Variants in CD164L2 observed in about 807,000 individuals in gnomAD.
The protein encoded by CD164L2 is CD164 sialomucin-like 2 protein.
CD164L2 carries 21 observed loss-of-function variants against 23.9 expected under a neutral mutation model. That is an observed-to-expected ratio of 0.88 (90% CI 0.62 to 1.27). CD164L2 has a LOEUF of 1.27. CD164L2 is among the 50% of genes most tolerant of loss of function. The pLI is 0.00. For synonymous variants in CD164L2, 92 were observed against 90.2 expected (o/e 1.02, Z -0.11); for missense variants, 230 against 224.8 (o/e 1.02, Z -0.15).
intron 4 of CD164L2, among the ~76,000 whole-genome samples, chr1:27,380,896 A>G (rs1378135060): frequency 2.6e-5 from 4 of 152,176 alleles, no homozygotes; most frequent in Non-Finnish European, 5.9e-5. Flanking sequence ...CTTTAGGGCC[A>G]TGGTTGCCAG....
chr1:27,383,183 G>C lies in CD164L2; in HGVS notation c.57C>G (p.Cys19Trp). 6.5e-7 allele frequency: 1 copy of C among 1,548,000 alleles called. No homozygotes were observed. The highest frequency in any genetic ancestry group is 8.7e-7 in the Non-Finnish European group (1 of 1,146,810). ...CAGCCAGCTGGGCACATAGGAGGAG[G>C]CAGCAACAGCCGCCACAGAGCGCAG... Reference protein sequence around the residue: ...LRTALCGGCCCLLLCAQLAVA... With the variant: ...LRTALCGGCCWLLLCAQLAVA... Residue 19 changes from cysteine to tryptophan, a missense_variant, in exon 1 of 6, where the codon TGC (cysteine) becomes TGG (tryptophan). Physicochemically the swap from Cys to Trp is radical, Grantham distance 215 (BLOSUM62 -2). Coordinates refer to ENST00000374030, the MANE Select transcript of CD164L2 (RefSeq NM_001330448.1).
At chr1:27,382,974 A>G (rs1279243667) in intron 1 of CD164L2, among the ~76,000 whole-genome samples, 178 bp downstream of exon 1, 1 of 152,012 alleles carries the variant, frequency 6.6e-6, no homozygotes, top group Admixed American at 6.6e-5. Context: ...CCTGGGGCCT[A>G]TATTTACACA....
At position 27,379,425 on chromosome 1, in the gene CD164L2, CGCTTA is replaced by C; in HGVS notation, c.*73_*77del. 9.7e-5 allele frequency: 113 copies of C among 1,161,336 alleles called. No homozygotes were observed. The highest frequency in any genetic ancestry group is 1.2e-4 in the Non-Finnish European group (99 of 806,980). 71.9% of individuals were successfully genotyped at this position (1,161,336 alleles called of 1,614,324 possible). ...CAGAGTTTTTCCCGCCCCCGCCCCC[CGCTTA>C]CCCACAAGGGTGCCCAGAGGCCACC... On this transcript the variant is annotated 3_prime_UTR_variant, in exon 6 of 6. Transcript: ENST00000374030.
chr1:27,383,055 C>T (rs2016371323), intron 1 of CD164L2, 97 bp downstream of exon 1: 1 of 1,039,060 alleles, frequency 9.6e-7, no homozygotes, highest in Admixed American at 2.3e-5. Context: ...AAAGCCCCCT[C>T]CCCTCAAGCC....
intron 3 of CD164L2, 144 bp from the exon 4 acceptor site, chr1:27,381,968 C>T: frequency 7.3e-7 from 1 of 1,367,804 alleles, no homozygotes; most frequent in Non-Finnish European, 1.0e-6. Flanking sequence ...GCAAGCCCCA[C>T]ACAGTTCCCT....
chr1:27,383,007 G>A (rs372624268), intron 1 of CD164L2, 145 bp downstream of exon 1: 1 of 667,338 alleles, frequency 1.5e-6, no homozygotes, highest in Non-Finnish European at 2.6e-6. Flanking sequence ...CAGAGCTGGA[G>A]CCCCCTCTCC....
rs980967918 is a variant in CD164L2 at position 27,382,400 on chromosome 1, C to T, written c.257-1G>A. 2.9e-5 allele frequency: 47 copies of T among 1,604,282 alleles called. No individual in the cohort carries two copies. The highest frequency in any genetic ancestry group is 3.8e-5 in the Non-Finnish European group (45 of 1,172,988). ...ACCTCAGATTGGGCCACACAGTGTC[C>T]TGGTGAGAGAAGGTGCAGGGGGGAG... is the stretch of plus-strand genomic sequence containing the variant. On this transcript the variant is annotated splice_acceptor_variant, in intron 2 of 5. Transcript: ENST00000374030. LOFTEE classifies it high-confidence loss of function.
chr1:27,382,407 G>C lies in CD164L2; in HGVS notation c.257-8C>G. ...ATTGGGCCACACAGTGTCCTGGTGA[G>C]AGAAGGTGCAGGGGGGAGGTTTGGG... On this transcript the variant is annotated splice_polypyrimidine_tract_variant and splice_region_variant and intron_variant, in intron 2 of 5. Coordinates refer to ENST00000374030, the MANE Select transcript of CD164L2 (RefSeq NM_001330448.1). The C allele has an allele frequency of 1.2e-6, 2 of 1,601,170 alleles. No homozygotes were observed. Among genetic ancestry groups the C allele is most frequent in the Non-Finnish European group, 1.7e-6 (2 of 1,170,626 alleles).
intron 1 of CD164L2, 42 bp from the exon 2 acceptor site, chr1:27,382,709 C>A: frequency 6.5e-7 from 1 of 1,540,730 alleles, no homozygotes; most frequent in Admixed American, 1.9e-5. Context: ...TCCTCGAAGC[C>A]AAGCTGTGGC....
Position 27,379,339 on chromosome 1 carries a change from G to A in CD164L2, c.*164C>T. On this transcript the variant is annotated 3_prime_UTR_variant, in exon 6 of 6. Transcript: ENST00000374030. ...GCAGGTTCCAGGCCCAGGACAGGAGGAGATGTCAGGCATCAGACACTGAGC... is the reference window on the plus strand; with the variant it reads ...GCAGGTTCCAGGCCCAGGACAGGAGAAGATGTCAGGCATCAGACACTGAGC... 3 of 659,926 alleles carry A rather than the reference G, an allele frequency of 4.5e-6. No homozygotes were observed. The South Asian group carries it at 5.2e-5, about 12-fold the overall frequency. 40.9% of individuals were successfully genotyped at this position (659,926 alleles called of 1,614,324 possible).
chr1:27,382,722 C>T, intron 1 of CD164L2, 55 bp from the exon 2 acceptor site: 1 of 1,487,956 alleles, frequency 6.7e-7, no homozygotes, highest in South Asian at 1.3e-5. Flanking sequence ...GCTGTGGCAC[C>T]CGCCCACCCT....
chr1:27,379,937 T>C, intron 5 of CD164L2, 114 bp downstream of exon 5: 2 of 1,540,044 alleles, frequency 1.3e-6, no homozygotes, highest in Non-Finnish European at 1.7e-6. Context: ...GCTGTCACCG[T>C]CCTGAGGGCT....
chr1:27,380,755 A>G (rs1307365287), intron 4 of CD164L2, among the ~76,000 whole-genome samples: 1 of 152,228 alleles, frequency 6.6e-6, no homozygotes, highest in Non-Finnish European at 1.5e-5. Context: ...TAAGTGGGTA[A>G]GCGAGGACTG....
intron 3 of CD164L2, 193 bp downstream of exon 3, chr1:27,382,135 C>T: frequency 6.5e-7 from 1 of 1,530,204 alleles, no homozygotes; most frequent in South Asian, 1.2e-5. Flanking sequence ...CTCCACACAC[C>T]TGTACTAATT....
chr1:27,383,204 C>T lies in CD164L2; in HGVS notation c.36G>A (p.Ala12=), dbSNP rs1428924406. 4 of 1,547,706 alleles carry T rather than the reference C, an allele frequency of 2.6e-6. No individual in the cohort carries two copies. Among genetic ancestry groups the T allele is most frequent in the Non-Finnish European group, 3.5e-6 (4 of 1,146,794 alleles). Residue 12 remains alanine (A), a synonymous_variant, in exon 1 of 6, where the codon GCG becomes GCA. Coordinates refer to ENST00000374030, the MANE Select transcript of CD164L2 (RefSeq NM_001330448.1). ...EAPGPRALRT[A]LCGGCCCLLL... ...GGAGGCAGCAACAGCCGCCACAGAG[C>T]GCAGTCCGCAAGGCGCGGGGTCCCG...
intron 4 of CD164L2, among the ~76,000 whole-genome samples, chr1:27,380,757 C>T (rs1049967252): frequency 8.0e-4 from 122 of 152,204 alleles, no homozygotes; most frequent in Non-Finnish European, 8.4e-4. Context: ...AGTGGGTAAG[C>T]GAGGACTGGA....
intron 3 of CD164L2, 67 bp downstream of exon 3, chr1:27,382,261 C>T (rs746925471): frequency 1.9e-5 from 31 of 1,614,082 alleles, no homozygotes; most frequent in Non-Finnish European, 2.6e-5. Flanking sequence ...AGGCTGTTTC[C>T]TCCTGGGGGG....
chr1:27,381,668 C>T (rs1275735229), intron 4 of CD164L2, 112 bp downstream of exon 4: 10 of 1,184,262 alleles, frequency 8.4e-6, no homozygotes, highest in East Asian at 5.0e-5. Flanking sequence ...AGACAGGCTC[C>T]GAGGGAGAAG....
intron 4 of CD164L2, among the ~76,000 whole-genome samples, chr1:27,381,384 G>A (rs548924877): frequency 3.3e-5 from 5 of 152,312 alleles, no homozygotes; most frequent in East Asian, 1.9e-4. Flanking sequence ...CCAGGAACCC[G>A]CCTTGTGACC....
Sources: allele counts gnomAD v4.1 joint callset (sites outside exome capture counted in the v4.1 genomes callset), GRCh38; gene constraint gnomAD v4.1.1; transcripts MANE v1.5; gene names NCBI Gene and HGNC (gene_info 2026-07-23, HGNC 2026-07-21).